Variants in LRRC7 observed in about 807,000 individuals in gnomAD.
The protein encoded by LRRC7 is leucine rich repeat containing 7.
A neutral mutation model predicts 175.7 loss-of-function variants in LRRC7; 23 were observed. That is an observed-to-expected ratio of 0.13 (90% CI 0.09 to 0.19). LRRC7 has a LOEUF of 0.19. Among genes scored for constraint, LRRC7 ranks in the 10% least tolerant of loss-of-function variants. The pLI, the probability that LRRC7 is intolerant of heterozygous loss-of-function variation, is 1.00. For synonymous variants in LRRC7, 685 were observed against 680.9 expected (o/e 1.01, Z -0.09); for missense variants, 1,354 against 1,904.7 (o/e 0.71, Z 5.38).
chr1:69,757,949 A>G (rs1440650902), intron 2 of LRRC7, among the ~76,000 whole-genome samples: 2 of 151,660 alleles, frequency 1.3e-5, no homozygotes, highest in African/African-American at 2.4e-5. Context: ...CATTTAATCT[A>G]TCATCAAATT....
chr1:69,917,220 C>T (rs892003594), intron 7 of LRRC7, among the ~76,000 whole-genome samples: 2 of 152,146 alleles, frequency 1.3e-5, no homozygotes, highest in African/African-American at 4.8e-5. Context: ...GTTAGCATTA[C>T]TGATGGAGAA....
chr1:69,819,927 T>A (rs1679074964), intron 4 of LRRC7, among the ~76,000 whole-genome samples: 1 of 152,122 alleles, frequency 6.6e-6, no homozygotes, highest in African/African-American at 2.4e-5. Flanking sequence ...CCTACATAAG[T>A]CCCTAAAGTT....
intron 1 of LRRC7, among the ~76,000 whole-genome samples, chr1:69,578,893 G>GTAAC (rs1356967393): frequency 1.3e-5 from 2 of 150,840 alleles, no homozygotes; most frequent in East Asian, 2.0e-4. Context: ...GTATACATAT[G>GTAAC]TAACCTGCAC....
In LRRC7 at chr1:70,082,781, A is replaced by ATTTTTTTTT. The variant is rs1172403797; in HGVS notation, c.4452+6506_4452+6514dup. Among the ~76,000 whole-genome samples, 48 of 52,292 alleles carry ATTTTTTTTT rather than the reference A, an allele frequency of 9.2e-4. 11 individuals are homozygous for ATTTTTTTTT. Among genetic ancestry groups the ATTTTTTTTT allele is most frequent in the African/African-American group, 1.2e-3 (19 of 16,176 alleles). The allele number at this position is 52,292 out of a possible 152,430, so 34.3% of individuals were successfully genotyped here. On this transcript the variant is annotated intron_variant, in intron 24 of 26. Transcript: ENST00000651989. ...TATTAGTCAATCTTGATACCAGTAC[A>ATTTTTTTTT]TTTTTTTTTTTTTTTTTTTTTTTTT...
At position 70,133,631 on chromosome 1, in the gene LRRC7, A is replaced by C. The variant is rs1367082586; in HGVS notation, c.*11744A>C. Among the ~76,000 whole-genome samples, 2 of 152,208 alleles carry C rather than the reference A, an allele frequency of 1.3e-5. No individual in the cohort carries two copies. The highest frequency in any genetic ancestry group is 1.9e-4 in the East Asian group (1 of 5,200). On this transcript the variant is annotated 3_prime_UTR_variant, in exon 27 of 27. Transcript: ENST00000651989. ...AGAAAAAAACAAGAGCTTTGAGCTT[A>C]TTTTAGGCAGTTTATATGTTTTTTT...
intron 24 of LRRC7, among the ~76,000 whole-genome samples, chr1:70,087,063 ATGTT>A (rs1438489664): frequency 1.1e-4 from 16 of 152,282 alleles, no homozygotes; most frequent in Admixed American, 9.2e-4. Context: ...ATCAGAATTT[ATGTT>A]TGTTTGTCAC....
intron 2 of LRRC7, among the ~76,000 whole-genome samples, chr1:69,681,809 T>A (rs976397187): frequency 6.6e-6 from 1 of 152,138 alleles, no homozygotes; most frequent in Non-Finnish European, 1.5e-5. Flanking sequence ...TCCTGTCCAG[T>A]CACTCTACTG....
Position 70,038,397 on chromosome 1 carries a change from C to T in LRRC7, c.2573C>T (p.Pro858Leu), listed in dbSNP as rs754599704. The change falls in exon 21 of 27, where the codon CCC becomes CTC. Residue 858 changes from proline to leucine, a missense_variant. By Grantham distance (98) the Pro-to-Leu change is moderately conservative (BLOSUM62 -3). Around this residue, in one of 4 missense-constraint regions of LRRC7, gnomAD observed 1,032 missense variants for 1,227.2 expected, o/e 0.84. Transcript: ENST00000651989. ...LIRQDRIVGV[P>L]LELEQSTHRH... is the part of the protein sequence containing the mutation. ...AGGCAAGACAGGATTGTTGGTGTTC[C>T]CCTGGAACTCGAGCAGTCTACACAC... 2 of 1,613,938 alleles carry T rather than the reference C, an allele frequency of 1.2e-6. No individual in the cohort carries two copies. The highest frequency in any genetic ancestry group is 1.7e-6 in the Non-Finnish European group (2 of 1,179,978).
chr1:70,009,760 T>C (rs1399257805), intron 11 of LRRC7, among the ~76,000 whole-genome samples: 1 of 152,246 alleles, frequency 6.6e-6, no homozygotes, highest in African/African-American at 2.4e-5. Context: ...TTACTCAAAA[T>C]TGAATGCTGT....
At chr1:70,113,788 G>T (rs563550841) in intron 26 of LRRC7, among the ~76,000 whole-genome samples, 1 of 151,256 alleles carries the variant, frequency 6.6e-6, no homozygotes, top group Non-Finnish European at 1.5e-5. Context: ...TCTATCCCTT[G>T]TTTCAGGACT....
Position 69,939,015 on chromosome 1 carries a change from C to CTA in LRRC7, c.711+7459_711+7460dup, listed in dbSNP as rs36186445. Among the ~76,000 whole-genome samples, 220 of 52,690 alleles carry CTA rather than the reference C, an allele frequency of 4.2e-3. 10 individuals carry two copies. Among genetic ancestry groups the CTA allele is most frequent in the Middle Eastern group, 0.01 (1 of 98 alleles). 34.6% of individuals were successfully genotyped at this position (52,690 alleles called of 152,430 possible). On this transcript the variant is annotated intron_variant, in intron 8 of 26. Transcript: ENST00000651989. ...GTAGATTATATATATATATATATAT[C>CTA]TATATATATATATATCTATATATAT... is the stretch of plus-strand genomic sequence containing the variant.
intron 22 of LRRC7, among the ~76,000 whole-genome samples, chr1:70,049,725 C>T (rs1660606993): frequency 6.6e-6 from 1 of 152,002 alleles, no homozygotes; most frequent in African/African-American, 2.4e-5. Context: ...AAATCACTGT[C>T]ATTTAGATCC....
chr1:69,972,998 C>A (rs1652416909), intron 8 of LRRC7, among the ~76,000 whole-genome samples: 1 of 140,252 alleles, frequency 7.1e-6, no homozygotes, highest in Admixed American at 7.2e-5. Context: ...ATAAATACTA[C>A]TAGATACTAT....
chr1:69,856,429 A>G (rs1172963148), intron 7 of LRRC7, among the ~76,000 whole-genome samples: 2 of 152,288 alleles, frequency 1.3e-5, no homozygotes, highest in East Asian at 3.9e-4. Flanking sequence ...GATAAAGGAG[A>G]TACCACTACT....
chr1:70,074,447 A>T (rs1352731309), intron 23 of LRRC7, among the ~76,000 whole-genome samples: 3 of 152,248 alleles, frequency 2.0e-5, no homozygotes, highest in Non-Finnish European at 4.4e-5. Context: ...TGAGAAAGGA[A>T]TAGATACAAT....
At chr1:69,792,591 A>C (rs1300273360) in intron 4 of LRRC7, among the ~76,000 whole-genome samples, 1 of 151,908 alleles carries the variant, frequency 6.6e-6, no homozygotes, top group Non-Finnish European at 1.5e-5. Flanking sequence ...AACCATCCTC[A>C]CAATATTGTA....
intron 7 of LRRC7, among the ~76,000 whole-genome samples, chr1:69,862,693 T>C (rs768189820): frequency 7.9e-5 from 12 of 152,132 alleles, no homozygotes; most frequent in Admixed American, 1.3e-4. Flanking sequence ...TTAGAGTCAT[T>C]GTTCATATCT....
chr1:69,748,801 C>G (rs1669522962), intron 2 of LRRC7, among the ~76,000 whole-genome samples: 1 of 152,046 alleles, frequency 6.6e-6, no homozygotes, highest in Non-Finnish European at 1.5e-5. Flanking sequence ...AATAAAATAG[C>G]CTCTATCTGA....
chr1:69,939,619 T>C (rs1215375697), intron 8 of LRRC7, among the ~76,000 whole-genome samples: 2 of 152,074 alleles, frequency 1.3e-5, no homozygotes, highest in Non-Finnish European at 2.9e-5. Context: ...AAAGCTACTG[T>C]TTAATAACCA....
Sources: gnomAD v4.1 joint callset for allele counts (sites outside exome capture counted in the v4.1 genomes callset) on GRCh38, gnomAD v4.1.1 for gene constraint, gnomAD v4.1.1 regional missense constraint, MANE v1.5 for transcripts, NCBI Gene and HGNC (gene_info 2026-07-23, HGNC 2026-07-21) for gene names.